Variants in FSTL4 observed in about 807,000 individuals in gnomAD.
FSTL4 encodes the protein follistatin-related protein 4.
Under a neutral mutation model 78.2 loss-of-function variants are expected in FSTL4, and 28 were observed. That is an observed-to-expected ratio of 0.36 (90% CI 0.27 to 0.49). FSTL4 has a LOEUF of 0.49. Ranked by LOEUF, FSTL4 falls within the 20% of genes least tolerant of loss-of-function variation. The pLI is 0.98. For synonymous variants in FSTL4, 422 were observed against 440.5 expected (o/e 0.96, Z 0.53); for missense variants, 922 against 1,084.9 (o/e 0.85, Z 2.11).
intron 7 of FSTL4, among the ~76,000 whole-genome samples, chr5:133,245,121 T>TA (rs11315228): frequency 0.085 from 7,770 of 91,292 alleles, 610 homozygotes; most frequent in African/African-American, 0.21. Flanking sequence ...CCCTACTGCC[T>TA]AAAAAAAAAA....
the FSTL4 span, among the ~76,000 whole-genome samples, chr5:133,745,189 G>C: frequency 6.6e-6 from 1 of 152,252 alleles, no homozygotes; most frequent in Non-Finnish European, 1.5e-5. Context: ...GAGGGCACTT[G>C]CTCCTCAGCA....
At chr5:133,681,841 G>C in the FSTL4 span, among the ~76,000 whole-genome samples, 1 of 152,240 alleles carries the variant, frequency 6.6e-6, no homozygotes, top group East Asian at 1.9e-4. Context: ...TTGTATAGAA[G>C]AGACTGCTGA....
At chr5:133,838,891 G>T in the FSTL4 span, among the ~76,000 whole-genome samples, 1 of 152,180 alleles carries the variant, frequency 6.6e-6, no homozygotes, top group Admixed American at 6.5e-5. Context: ...TCCCTGTAAG[G>T]AGACATCACA....
At chr5:133,233,700 A>T (rs1751570110) in intron 7 of FSTL4, among the ~76,000 whole-genome samples, 163 bp from the exon 8 acceptor site, 1 of 152,210 alleles carries the variant, frequency 6.6e-6, no homozygotes, top group South Asian at 2.1e-4. Flanking sequence ...CGTCCTGGGC[A>T]GCAGCAACCC....
chr5:133,644,991 A>G, the FSTL4 span, among the ~76,000 whole-genome samples: 260 of 152,214 alleles, frequency 1.7e-3, 2 homozygotes, highest in Middle Eastern at 3.4e-3. Flanking sequence ...GGGCTCTGTG[A>G]ATGTTATTTC....
At chr5:133,704,013 G>C in the FSTL4 span, among the ~76,000 whole-genome samples, 1 of 152,150 alleles carries the variant, frequency 6.6e-6, no homozygotes, top group Non-Finnish European at 1.5e-5. Context: ...GTGGATACCT[G>C]CTACTCACCA....
chr5:133,250,455 G>T (rs1356216780), intron 6 of FSTL4, among the ~76,000 whole-genome samples: 1 of 152,140 alleles, frequency 6.6e-6, no homozygotes, highest in Non-Finnish European at 1.5e-5. Flanking sequence ...GCCAGAGGTG[G>T]CATGAGCTGA....
At chr5:133,718,099 G>T in the FSTL4 span, among the ~76,000 whole-genome samples, 6 of 146,032 alleles carry the variant, frequency 4.1e-5, no homozygotes, top group South Asian at 4.3e-4. Context: ...TTGGTTTTTG[G>T]TTTTTTTTTT....
intron 3 of FSTL4, among the ~76,000 whole-genome samples, chr5:133,545,957 T>C (rs1015746473): frequency 6.6e-6 from 1 of 152,242 alleles, no homozygotes; most frequent in Non-Finnish European, 1.5e-5. Flanking sequence ...GTAAAGACTA[T>C]AAAGTTGTAA....
intron 7 of FSTL4, among the ~76,000 whole-genome samples, chr5:133,235,810 G>A (rs879473920): frequency 5.9e-5 from 9 of 152,218 alleles, no homozygotes; most frequent in Admixed American, 3.3e-4. Context: ...TGTATCATAA[G>A]AGTCATAAAA....
chr5:133,337,075 G>A lies in FSTL4; in HGVS notation c.410-20423C>T, dbSNP rs527480287. On this transcript the variant is annotated intron_variant, in intron 4 of 15. Coordinates refer to ENST00000265342, the MANE Select transcript of FSTL4 (RefSeq NM_015082.2). Reference sequence around the variant, plus strand: ...GGCAACTGGGCACAGGCCTGTGTTCGGGGATGGCGGGCTGCAGGCCCACAG... The same window carrying A: ...GGCAACTGGGCACAGGCCTGTGTTCAGGGATGGCGGGCTGCAGGCCCACAG... 2.6e-5 allele frequency among the ~76,000 whole-genome samples: 4 copies of A among 152,338 alleles called. No homozygotes were observed. In the East Asian group the frequency reaches 5.8e-4, roughly 22 times the overall value.
chr5:133,765,673 G>T, the FSTL4 span, among the ~76,000 whole-genome samples: 1 of 152,186 alleles, frequency 6.6e-6, no homozygotes, highest in Non-Finnish European at 1.5e-5. Flanking sequence ...AACAGAGGCC[G>T]AGCACAGTGG....
chr5:133,372,249 G>GTATCTATGTATCTATGTATC (rs1386103768), intron 4 of FSTL4, among the ~76,000 whole-genome samples: 1 of 138,430 alleles, frequency 7.2e-6, no homozygotes, highest in Non-Finnish European at 1.5e-5. Context: ...ATGTATCTAT[G>GTATCTATGTATCTATGTATC]TATGTATGTA....
intron 2 of FSTL4, among the ~76,000 whole-genome samples, chr5:133,592,318 A>C (rs915561697): frequency 6.6e-6 from 1 of 152,198 alleles, no homozygotes; most frequent in Non-Finnish European, 1.5e-5. Flanking sequence ...CTTCTTTCTC[A>C]TAATCCCACG....
chr5:133,330,328 T>C (rs773738656), intron 4 of FSTL4, among the ~76,000 whole-genome samples: 54 of 152,312 alleles, frequency 3.5e-4, no homozygotes, highest in Non-Finnish European at 6.8e-4. Context: ...CTGTACAGGA[T>C]GTATAGCGCT....
At chr5:133,323,007 G>A (rs559850756) in intron 4 of FSTL4, among the ~76,000 whole-genome samples, 56 of 152,282 alleles carry the variant, frequency 3.7e-4, no homozygotes, top group African/African-American at 1.3e-3. Context: ...TGAATGAGAG[G>A]ACCAGAGTCC....
intron 6 of FSTL4, among the ~76,000 whole-genome samples, chr5:133,284,337 TAG>T (rs1033181405): frequency 5.3e-5 from 8 of 152,190 alleles, no homozygotes; most frequent in Non-Finnish European, 2.9e-5. Context: ...TTCCTCTAAT[TAG>T]AGTGAGTCAA....
the FSTL4 span, among the ~76,000 whole-genome samples, chr5:133,777,481 C>T: frequency 6.6e-6 from 1 of 152,180 alleles, no homozygotes; most frequent in African/African-American, 2.4e-5. Flanking sequence ...GTTTTGAAAA[C>T]TATTTTTTAG....
At chr5:133,352,230 T>TCA (rs1170155324) in intron 4 of FSTL4, among the ~76,000 whole-genome samples, 2 of 146,730 alleles carry the variant, frequency 1.4e-5, no homozygotes, top group African/African-American at 2.6e-5. Context: ...TCTTTTGTTC[T>TCA]CACACACATA....
Sources: allele counts gnomAD v4.1 joint callset (sites outside exome capture counted in the v4.1 genomes callset), GRCh38; gene constraint gnomAD v4.1.1; transcripts MANE v1.5; gene names NCBI Gene and HGNC (gene_info 2026-07-23, HGNC 2026-07-21).